IYD: variants seen among roughly 807,000 people sequenced by gnomAD.
IYD encodes the protein iodotyrosine deiodinase.
IYD carries 25 observed loss-of-function variants against 28.4 expected under a neutral mutation model. The observed-to-expected ratio is 0.88, with a 90% CI of 0.64 to 1.23. The LOEUF (loss-of-function observed/expected upper bound fraction) is 1.23, where lower values mean the gene tolerates loss of function less well. Ranked by LOEUF, IYD falls within the 50% of genes most tolerant of loss-of-function variation. The pLI, the probability that IYD is intolerant of heterozygous loss-of-function variation, is 0.00. For synonymous variants in IYD, 140 were observed against 130.8 expected (o/e 1.07, Z -0.48); for missense variants, 352 against 357.9 (o/e 0.98, Z 0.13).
rs187472133 is a variant in IYD at position 150,404,010 on chromosome 6, T to C, written c.*5773T>C. 4 of 152,326 alleles carry C rather than the reference T, an allele frequency of 2.6e-5. No homozygotes were observed. The East Asian group carries it at 7.7e-4, about 29-fold the overall frequency. 9.4% of individuals were successfully genotyped at this position (152,326 alleles called of 1,614,324 possible). A position where few individuals can be genotyped will look rare whatever the true frequency, so the allele number is the denominator to read the frequency against. ...TAAAGGTTCTAAAATCAAAACCCTC[T>C]GAAGGGTGAAAACTGGGAGCCTCCT... On this transcript the variant is annotated 3_prime_UTR_variant, in exon 5 of 5. Coordinates refer to ENST00000344419, the MANE Select transcript of IYD (RefSeq NM_203395.3).
chr6:150,378,196 T>A (rs12193715), intron 1 of IYD, among the ~76,000 whole-genome samples: 17,811 of 151,900 alleles, frequency 0.12, 1,205 homozygotes, highest in Non-Finnish European at 0.14. Context: ...ATTATTATTA[T>A]ACTTTAAGTT....
At chr6:150,388,364 A>G (rs969559808) in intron 1 of IYD, among the ~76,000 whole-genome samples, 2 of 152,216 alleles carry the variant, frequency 1.3e-5, no homozygotes, top group Non-Finnish European at 2.9e-5. Context: ...TGGCAAATAC[A>G]GTAGAGAAAA....
At chr6:150,370,748 A>G in intron 1 of IYD, 1 of 759,450 alleles carries the variant, frequency 1.3e-6, no homozygotes, top group Non-Finnish European at 1.6e-6. Flanking sequence ...GAGTAAAGTT[A>G]ATGGAAGAGC....
chr6:150,395,423 G>A, intron 4 of IYD: 1 of 1,537,232 alleles, frequency 6.5e-7, no homozygotes. Context: ...TGAAGGAGCT[G>A]GCATTGATTT....
intron 4 of IYD, 34 bp from the exon 5 acceptor site, chr6:150,398,021 G>A (rs1484981510): frequency 1.9e-6 from 3 of 1,606,612 alleles, no homozygotes; most frequent in Admixed American, 3.3e-5. Context: ...TCTGCCTGCT[G>A]ACTTTAAAAT....
Position 150,395,302 on chromosome 6 carries a change from TA to T in IYD, c.687+1057del, listed in dbSNP as rs374710489. 6.1e-3 allele frequency: 4,387 copies of T among 723,374 alleles called. 1 individual carries two copies. The highest frequency in any genetic ancestry group is 7.9e-3 in the Non-Finnish European group (3,695 of 470,104). 44.8% of individuals were successfully genotyped at this position (723,374 alleles called of 1,614,324 possible). A position where few individuals can be genotyped will look rare whatever the true frequency, so the allele number is the denominator to read the frequency against. Reference sequence around the variant, plus strand: ...ACCATACTTTTGAGAGACAATGGATTAAAAAAAAAAGAGAGCTTCTTCACTA... The same window carrying T: ...ACCATACTTTTGAGAGACAATGGATTAAAAAAAAAGAGAGCTTCTTCACTA... On this transcript the variant is annotated intron_variant, in intron 4 of 4. Transcript: ENST00000344419.
rs750489332 is a variant in IYD, at chr6:150,392,399, A to G, written c.425A>G (p.Asp142Gly). The G allele has an allele frequency of 1.9e-6, 3 of 1,613,830 alleles. No individual in the cohort carries two copies. The Admixed American group carries it at 5.0e-5, about 27-fold the overall frequency. ...CCCTGGACCTTCGTGGTTGTGAAGG[A>G]CCCAGACGTGAAGCACAAGATTCGA... ...TEPWTFVVVK[D>G]PDVKHKIRKI... The change falls in exon 3 of 5, where the codon GAC becomes GGC. Residue 142 changes from aspartate to glycine, a missense_variant. Coordinates refer to ENST00000344419, the MANE Select transcript of IYD (RefSeq NM_203395.3).
chr6:150,388,630 G>GCTTTCTTTCTTTCTTT (rs71010894), intron 1 of IYD, among the ~76,000 whole-genome samples: 2,429 of 129,254 alleles, frequency 0.019, 51 homozygotes, highest in East Asian at 0.056. Flanking sequence ...TGGAGTTTTT[G>GCTTTCTTTCTTTCTTT]CTTTCTTTCT....
In IYD at chr6:150,400,583, T is replaced by C. The variant is rs1778479570; in HGVS notation, c.*2346T>C. ...GGTGGAATAACCAAAATGTGTATCA[T>C]TCTACAAAAAAATAGGCCTGGACTA... On this transcript the variant is annotated 3_prime_UTR_variant, in exon 5 of 5. Coordinates refer to ENST00000344419, the MANE Select transcript of IYD (RefSeq NM_203395.3). 1 of 142,168 alleles carries C rather than the reference T, an allele frequency of 7.0e-6. No homozygotes were observed. The highest frequency in any genetic ancestry group is 2.9e-5 in the African/African-American group (1 of 34,422). The allele number at this position is 142,168 out of a possible 1,614,324, so 8.8% of individuals were successfully genotyped here.
chr6:150,385,060 C>T (rs1050218691), intron 1 of IYD: 3 of 152,096 alleles, frequency 2.0e-5, no homozygotes, highest in Admixed American at 1.3e-4. Context: ...ACTTTCTGAA[C>T]AGGAGGGTAA....
chr6:150,381,053 A>C (rs908465181), intron 1 of IYD, among the ~76,000 whole-genome samples: 1 of 152,220 alleles, frequency 6.6e-6, no homozygotes, highest in Admixed American at 6.5e-5. Flanking sequence ...AGGGGATGTG[A>C]GCAACAGGAA....
chr6:150,377,099 G>T (rs765112416), intron 1 of IYD, among the ~76,000 whole-genome samples: 6 of 152,250 alleles, frequency 3.9e-5, no homozygotes, highest in Non-Finnish European at 8.8e-5. Context: ...GTATTTTAGG[G>T]TATTGTTTGC....
At chr6:150,392,092 C>A (rs907808230) in intron 2 of IYD, 1 of 153,956 alleles carries the variant, frequency 6.5e-6, no homozygotes, top group African/African-American at 2.4e-5. Context: ...GGCTAGAATG[C>A]AGTGGTGCAA....
intron 1 of IYD, among the ~76,000 whole-genome samples, chr6:150,373,976 G>A (rs1283397599): frequency 6.6e-6 from 1 of 152,218 alleles, no homozygotes; most frequent in Admixed American, 6.5e-5. Flanking sequence ...GGACTTGAAT[G>A]AAGACATTGT....
intron 1 of IYD, among the ~76,000 whole-genome samples, chr6:150,383,266 C>T (rs1250466654): frequency 2.0e-5 from 3 of 152,128 alleles, no homozygotes; most frequent in Non-Finnish European, 4.4e-5. Context: ...CTTCAGGGTC[C>T]CAGCTTAAAG....
At chr6:150,380,200 G>C (rs1052277937) in intron 1 of IYD, among the ~76,000 whole-genome samples, 3 of 152,090 alleles carry the variant, frequency 2.0e-5, no homozygotes, top group African/African-American at 7.2e-5. Flanking sequence ...ATTATACATA[G>C]TATTTGGTGT....
chr6:150,378,027 A>C (rs78538201), intron 1 of IYD, among the ~76,000 whole-genome samples: 1 of 152,280 alleles, frequency 6.6e-6, no homozygotes, highest in Non-Finnish European at 1.5e-5. Context: ...TTTCCTCACT[A>C]AGAGCTATAA....
intron 1 of IYD, chr6:150,369,955 G>C (rs1408225654): frequency 1.4e-6 from 1 of 701,962 alleles, no homozygotes; most frequent in African/African-American, 1.8e-5. Flanking sequence ...TGGAAGTAGA[G>C]AATTGAGGGC....
intron 1 of IYD, among the ~76,000 whole-genome samples, chr6:150,387,562 G>C (rs1204141098): frequency 1.3e-5 from 2 of 151,594 alleles, no homozygotes; most frequent in African/African-American, 2.4e-5. Flanking sequence ...TGAATCAAAT[G>C]ATCAAATGTA....
Sources: allele counts gnomAD v4.1 joint callset (sites outside exome capture counted in the v4.1 genomes callset), GRCh38; gene constraint gnomAD v4.1.1; transcripts MANE v1.5; gene names NCBI Gene and HGNC (gene_info 2026-07-23, HGNC 2026-07-21).